The following ARHGEF7 variants were observed in gnomAD, a reference collection of about 807,000 sequenced individuals.
ARHGEF7 encodes the protein Rho guanine nucleotide exchange factor 7.
ARHGEF7 carries 33 observed loss-of-function variants against 109.8 expected under a neutral mutation model. The ratio of observed to expected loss-of-function variants is 0.30; its 90% CI spans 0.23 to 0.40. The LOEUF is 0.40. ARHGEF7 is among the 10% of genes least tolerant of loss of function. The pLI is 1.00. For synonymous variants in ARHGEF7, 458 were observed against 424.6 expected, an observed-to-expected ratio of 1.08 and a Z score of -0.97; for missense variants, 938 against 1,098.5, an observed-to-expected ratio of 0.85 and a Z score of 2.07.
At chr13:111,216,469 T>G (rs3783087) in intron 4 of ARHGEF7, among the ~76,000 whole-genome samples, 25,179 of 150,384 alleles carry the variant, frequency 0.17, 3,007 homozygotes, top group East Asian at 0.69. Flanking sequence ...GATAGAGGCC[T>G]GGACTCTGCT....
At chr13:111,219,023 C>CAT (rs543754593) in intron 5 of ARHGEF7, among the ~76,000 whole-genome samples, 248 of 152,270 alleles carry the variant, frequency 1.6e-3, no homozygotes, top group Non-Finnish European at 2.4e-3. Context: ...TATATGTATA[C>CAT]ATATATGTAA....
chr13:111,127,839 T>C (rs2067680878), intron 1 of ARHGEF7, among the ~76,000 whole-genome samples: 1 of 151,840 alleles, frequency 6.6e-6, no homozygotes, highest in Admixed American at 6.6e-5. Flanking sequence ...ATTTAGCAAA[T>C]CAATTTCAGC....
At chr13:111,153,514 G>A (rs1035872786) in intron 1 of ARHGEF7, 2 of 589,876 alleles carry the variant, frequency 3.4e-6, no homozygotes, top group Non-Finnish European at 4.4e-6. Flanking sequence ...CTACCGGACC[G>A]AGGCCCAGCA....
chr13:111,263,038 A>AG (rs1288692616), intron 8 of ARHGEF7, among the ~76,000 whole-genome samples: 1 of 152,216 alleles, frequency 6.6e-6, no homozygotes, highest in Non-Finnish European at 1.5e-5. Flanking sequence ...GAGAGAACCG[A>AG]GGGGAACATC....
chr13:111,251,727 C>T (rs2089800945), intron 8 of ARHGEF7, among the ~76,000 whole-genome samples: 1 of 152,184 alleles, frequency 6.6e-6, no homozygotes, highest in South Asian at 2.1e-4. Flanking sequence ...TGGTTGTAGG[C>T]AGCGTCTTCT....
chr13:111,288,944 A>G (rs1359265073), intron 18 of ARHGEF7, among the ~76,000 whole-genome samples: 1 of 152,176 alleles, frequency 6.6e-6, no homozygotes, highest in East Asian at 1.9e-4. Flanking sequence ...ATTTACAACT[A>G]ATTTATTCAG....
At chr13:111,217,555 T>C (rs1006496086) in intron 4 of ARHGEF7, 124 bp from the exon 5 acceptor site, 3 of 926,248 alleles carry the variant, frequency 3.2e-6, no homozygotes, top group Non-Finnish European at 5.0e-6. Flanking sequence ...AACTGAAATT[T>C]CTCTAAATGT....
At chr13:111,271,241 T>G (rs970204519) in intron 9 of ARHGEF7, among the ~76,000 whole-genome samples, 13 of 152,120 alleles carry the variant, frequency 8.5e-5, no homozygotes, top group African/African-American at 2.9e-4. Flanking sequence ...GTCCACAGAG[T>G]GCTCACAGTT....
At chr13:111,300,520 A>G (rs1190542385) in intron 19 of ARHGEF7, among the ~76,000 whole-genome samples, 4 of 152,178 alleles carry the variant, frequency 2.6e-5, no homozygotes, top group Non-Finnish European at 4.4e-5. Flanking sequence ...GAAAAGGGCT[A>G]CAGTTTCCTT....
At chr13:111,209,789 T>G (rs2082281229) in intron 3 of ARHGEF7, 83 bp from the exon 4 acceptor site, 11 of 1,504,400 alleles carry the variant, frequency 7.3e-6, no homozygotes, top group Non-Finnish European at 9.0e-6. Flanking sequence ...TGTGCTGCCC[T>G]AGTTTTAAAG....
At chr13:111,259,640 C>T (rs1488987038) in intron 8 of ARHGEF7, among the ~76,000 whole-genome samples, 1 of 152,092 alleles carries the variant, frequency 6.6e-6, no homozygotes, top group Non-Finnish European at 1.5e-5. Flanking sequence ...AAAGCCTTCC[C>T]AAGAAGGATG....
At chr13:111,196,054 A>G (rs764092838) in intron 2 of ARHGEF7, among the ~76,000 whole-genome samples, 9 of 152,184 alleles carry the variant, frequency 5.9e-5, no homozygotes, top group Admixed American at 2.0e-4. Context: ...TTTAGGATCA[A>G]TTGACCCTCT....
In ARHGEF7 at chr13:111,144,899, G is replaced by A. The variant is rs546871205; in HGVS notation, c.166-9006G>A. Among the ~76,000 whole-genome samples the A allele has an allele frequency of 6.4e-4, 98 of 152,310 alleles. No homozygotes were observed. In the South Asian group the frequency reaches 0.014, roughly 22 times the overall value. ...TCAAAGGGTACAATAAGTAGAGAGA[G>A]AAAAGCAAATTTCCCTTGTTCCCTT... On this transcript the variant is annotated intron_variant, in intron 1 of 21. Coordinates refer to ENST00000646102, the MANE Select transcript of ARHGEF7 (RefSeq NM_001354046.2).
At position 111,115,320 on chromosome 13, in the gene ARHGEF7, G is replaced by A. The variant is rs1035763197; in HGVS notation, c.-207G>A. ...CGGCGGCGGGCGCCCGCAGGTTCCC[G>A]AGCCGCTCCTGAGAAGGCGCCTGAC... is the stretch of plus-strand genomic sequence containing the variant. On this transcript the variant is annotated 5_prime_UTR_variant, in exon 1 of 22. Coordinates refer to ENST00000646102, the MANE Select transcript of ARHGEF7 (RefSeq NM_001354046.2). 2 of 182,564 alleles carry A rather than the reference G, an allele frequency of 1.1e-5. No individual in the cohort carries two copies. Among genetic ancestry groups the A allele is most frequent in the East Asian group, 2.0e-4 (1 of 5,106 alleles). 11.3% of individuals were successfully genotyped at this position (182,564 alleles called of 1,614,324 possible). A position where few individuals can be genotyped will look rare whatever the true frequency, so the allele number is the denominator to read the frequency against.
At chr13:111,155,489 T>G (rs760407038) in intron 2 of ARHGEF7, among the ~76,000 whole-genome samples, 4 of 152,200 alleles carry the variant, frequency 2.6e-5, no homozygotes, top group Non-Finnish European at 2.9e-5. Context: ...CTAGGGGAGA[T>G]TCCAAGAAAC....
At chr13:111,251,626 C>T (rs1426472449) in intron 8 of ARHGEF7, among the ~76,000 whole-genome samples, 1 of 152,198 alleles carries the variant, frequency 6.6e-6, no homozygotes, top group Non-Finnish European at 1.5e-5. Context: ...TATAATCATT[C>T]AGTGGTAATT....
intron 1 of ARHGEF7, among the ~76,000 whole-genome samples, chr13:111,123,266 G>A (rs2067315036): frequency 6.6e-6 from 1 of 152,196 alleles, no homozygotes; most frequent in Non-Finnish European, 1.5e-5. Context: ...GGGCTTGGGT[G>A]CTGGTGGGGT....
chr13:111,221,437 A>C lies in ARHGEF7; in HGVS notation c.670+3557A>C, dbSNP rs376779285. 4.6e-4 allele frequency among the ~76,000 whole-genome samples: 13 copies of C among 27,962 alleles called. 1 individual carries two copies. Among genetic ancestry groups the C allele is most frequent in the Non-Finnish European group, 6.8e-4 (11 of 16,226 alleles). 18.3% of individuals were successfully genotyped at this position (27,962 alleles called of 152,430 possible). ...GATGTCTATATATCTATATATAGAT[A>C]TATATATCTATATATATAGATATAT... On this transcript the variant is annotated intron_variant, in intron 5 of 21. Transcript: ENST00000646102.
chr13:111,302,155 T>C (rs1001700702), intron 21 of ARHGEF7, among the ~76,000 whole-genome samples: 1 of 152,192 alleles, frequency 6.6e-6, no homozygotes, highest in Non-Finnish European at 1.5e-5. Context: ...GGTCCTTGGC[T>C]CCCGAAGCCA....
Sources: allele counts gnomAD v4.1 joint callset (sites outside exome capture counted in the v4.1 genomes callset), GRCh38; gene constraint gnomAD v4.1.1; transcripts MANE v1.5; gene names NCBI Gene and HGNC (gene_info 2026-07-23, HGNC 2026-07-21).